DACH1: variants seen among roughly 807,000 people sequenced by gnomAD.
The protein encoded by DACH1 is dachshund family transcription factor 1.
DACH1 carries 12 observed loss-of-function variants against 54.2 expected under a neutral mutation model. The ratio of observed to expected loss-of-function variants is 0.22; its 90% confidence interval spans 0.14 to 0.36. DACH1 has a LOEUF of 0.36. Ranked by LOEUF, DACH1 falls within the 10% of genes least tolerant of loss-of-function variation. The pLI is 1.00. For missense variants in DACH1, 805 were observed against 929.8 expected (o/e 0.87, Z 1.75); for synonymous variants, 386 against 366.2 (o/e 1.05, Z -0.62).
chr13:71,472,398 G>T (rs922016348), intron 10 of DACH1, among the ~76,000 whole-genome samples: 6 of 152,086 alleles, frequency 3.9e-5, no homozygotes, highest in African/African-American at 1.4e-4. Context: ...AGTCTACCCA[G>T]AGGTGCATAT....
intron 10 of DACH1, among the ~76,000 whole-genome samples, chr13:71,470,222 A>C (rs1876948425): frequency 6.6e-6 from 1 of 152,230 alleles, no homozygotes; most frequent in Admixed American, 6.5e-5. Context: ...AAGAAAATAA[A>C]GTTAAAAATG....
At position 71,783,705 on chromosome 13, in the gene DACH1, C is replaced by A. The variant is rs1886474586; in HGVS notation, c.848+82217G>T. On this transcript the variant is annotated intron_variant, in intron 1 of 10. Coordinates refer to ENST00000613252, the MANE Select transcript of DACH1 (RefSeq NM_080759.6). ...GAGTGATTGAAATTTAAATATCTTT[C>A]TATGGTATACTTAACTCTTGCTCAG... Among the ~76,000 whole-genome samples, 3 of 151,884 alleles carry A rather than the reference C, an allele frequency of 2.0e-5. No individual in the cohort carries two copies. In the South Asian group the frequency reaches 6.2e-4, roughly 31 times the overall value.
rs1566351017 is a variant in DACH1 at position 71,573,016 on chromosome 13, T to TA, written c.1127-5dup. On this transcript the variant is annotated splice_polypyrimidine_tract_variant and splice_region_variant and intron_variant, in intron 3 of 10. Coordinates refer to ENST00000613252, the MANE Select transcript of DACH1 (RefSeq NM_080759.6). Reference sequence around the variant, plus strand: ...ATCATAAAAGGAAGTTCCAGTCCTATAAAAAATGCACATATATCATCATTG... The same window carrying TA: ...ATCATAAAAGGAAGTTCCAGTCCTATAAAAAAATGCACATATATCATCATTG... 8.7e-6 allele frequency: 14 copies of TA among 1,612,496 alleles called. No individual in the cohort carries two copies. The East Asian group carries it at 2.9e-4, about 33-fold the overall frequency.
At chr13:71,754,512 G>C (rs1287624220) in intron 1 of DACH1, among the ~76,000 whole-genome samples, 1 of 152,116 alleles carries the variant, frequency 6.6e-6, no homozygotes, top group Non-Finnish European at 1.5e-5. Context: ...AGCACTAAGA[G>C]TTTTGTTTTA....
chr13:71,532,414 A>G (rs1882475123), intron 6 of DACH1, among the ~76,000 whole-genome samples: 1 of 151,992 alleles, frequency 6.6e-6, no homozygotes, highest in Non-Finnish European at 1.5e-5. Flanking sequence ...ACACTTTTGG[A>G]AATTTACTAT....
chr13:71,519,129 G>C (rs991633506), intron 6 of DACH1, among the ~76,000 whole-genome samples: 2 of 151,650 alleles, frequency 1.3e-5, no homozygotes, highest in Non-Finnish European at 2.9e-5. Flanking sequence ...AAAATTGCTG[G>C]ATTCTGTTCT....
chr13:71,496,161 C>T (rs1423903210), intron 6 of DACH1, among the ~76,000 whole-genome samples: 1 of 150,600 alleles, frequency 6.6e-6, no homozygotes, highest in East Asian at 2.0e-4. Context: ...TGGCTTGAAC[C>T]TAGGGGGCAG....
Position 71,866,867 on chromosome 13 carries a change from A to C in DACH1, c.-98T>G. On this transcript the variant is annotated 5_prime_UTR_variant, in exon 1 of 11. Coordinates refer to ENST00000613252, the MANE Select transcript of DACH1 (RefSeq NM_080759.6). ...GGGAAAAAAGGGGGGAGAAGGAGCG[A>C]GGGGGGCAACAACAACTCCGGGAGA... The C allele has an allele frequency of 4.2e-5, 35 of 839,868 alleles. No homozygotes were observed. The highest frequency in any genetic ancestry group is 5.5e-5 in the Admixed American group (1 of 18,176). The allele number at this position is 839,868 out of a possible 1,614,324, so 52.0% of individuals were successfully genotyped here.
chr13:71,582,241 T>C (rs892126961), intron 3 of DACH1, among the ~76,000 whole-genome samples: 1 of 152,182 alleles, frequency 6.6e-6, no homozygotes, highest in Non-Finnish European at 1.5e-5. Flanking sequence ...ACACAGATTA[T>C]AATAAATTCT....
rs981379115 is a variant in DACH1 at position 71,507,060 on chromosome 13, T to A, written c.1571-17912A>T. Among the ~76,000 whole-genome samples the A allele has an allele frequency of 1.7e-4, 25 of 151,142 alleles. No individual in the cohort carries two copies. In the Middle Eastern group the frequency reaches 0.014, roughly 82 times the overall value. Reference sequence around the variant, plus strand: ...CAAAAGACAAAATTGACAAATGGGATCTAATTAAACTAAAGAGCTTCTGCA... The same window carrying A: ...CAAAAGACAAAATTGACAAATGGGAACTAATTAAACTAAAGAGCTTCTGCA... On this transcript the variant is annotated intron_variant, in intron 6 of 10. Transcript: ENST00000613252.
At chr13:71,611,726 C>T (rs1342902573) in intron 3 of DACH1, among the ~76,000 whole-genome samples, 1 of 152,080 alleles carries the variant, frequency 6.6e-6, no homozygotes, top group Non-Finnish European at 1.5e-5. Flanking sequence ...TCGTAGTCAA[C>T]TTTTGTAATA....
intron 2 of DACH1, among the ~76,000 whole-genome samples, chr13:71,652,974 T>C (rs1439442791): frequency 1.3e-5 from 2 of 152,168 alleles, no homozygotes; most frequent in Non-Finnish European, 2.9e-5. Context: ...TTTATCCAAA[T>C]TTGAGTCCTC....
Position 71,697,383 on chromosome 13 carries a change from G to A in DACH1, c.849-15473C>T, listed in dbSNP as rs1156545149. ...CCGACTTGTCAGAGTGTTGTGTATG[G>A]CGCCAACTTGATAATGATGATAAAG... On this transcript the variant is annotated intron_variant, in intron 1 of 10. Transcript: ENST00000613252. Among the ~76,000 whole-genome samples the A allele has an allele frequency of 4.6e-5, 7 of 152,246 alleles. No individual in the cohort carries two copies. The East Asian group carries it at 9.7e-4, about 21-fold the overall frequency.
intron 3 of DACH1, among the ~76,000 whole-genome samples, chr13:71,598,852 T>C (rs895660638): frequency 1.3e-5 from 2 of 152,184 alleles, no homozygotes; most frequent in African/African-American, 4.8e-5. Context: ...AAAGATACTC[T>C]TGGGCACCAG....
intron 1 of DACH1, among the ~76,000 whole-genome samples, chr13:71,757,656 T>C (rs1342358821): frequency 6.6e-6 from 1 of 151,730 alleles, no homozygotes; most frequent in Admixed American, 6.6e-5. Flanking sequence ...CCTGAGTAGC[T>C]GGGATTACAG....
chr13:71,609,897 GT>G (rs372938735), intron 3 of DACH1, among the ~76,000 whole-genome samples: 121 of 152,116 alleles, frequency 8.0e-4, no homozygotes, highest in Non-Finnish European at 9.7e-4. Flanking sequence ...ATGGTAGTCA[GT>G]AAAAAAAGGA....
intron 2 of DACH1, among the ~76,000 whole-genome samples, chr13:71,654,338 C>T (rs1383549280): frequency 1.3e-5 from 2 of 148,902 alleles, no homozygotes; most frequent in Non-Finnish European, 3.0e-5. Context: ...TGCAGTGAGC[C>T]GAGACTGCAC....
chr13:71,831,334 G>C (rs1036245225), intron 1 of DACH1, among the ~76,000 whole-genome samples: 1 of 151,284 alleles, frequency 6.6e-6, no homozygotes, highest in African/African-American at 2.4e-5. Flanking sequence ...CATGGTTTAA[G>C]TTAAATAGTA....
chr13:71,865,867 C>G lies in DACH1; in HGVS notation c.848+55G>C. ...GCGCCGGGAAAGGAGCGAGGGCAGG[C>G]GAGCAGGCTGGTGGGAAGGGGCGCG... On this transcript the variant is annotated intron_variant, in intron 1 of 10. Transcript: ENST00000613252. 5 of 1,483,532 alleles carry G rather than the reference C, an allele frequency of 3.4e-6. No homozygotes were observed. The South Asian group carries it at 4.1e-5, about 12-fold the overall frequency. The allele number at this position is 1,483,532 out of a possible 1,614,324, so 91.9% of individuals were successfully genotyped here.
Sources: allele counts gnomAD v4.1 joint callset (sites outside exome capture counted in the v4.1 genomes callset), GRCh38; gene constraint gnomAD v4.1.1; transcripts MANE v1.5; gene names NCBI Gene and HGNC (gene_info 2026-07-23, HGNC 2026-07-21).